Variants in ITGA4 observed in about 807,000 individuals in gnomAD.
ITGA4 encodes the protein integrin subunit alpha 4, also known as integrin alpha-4.
A neutral mutation model predicts 133.6 loss-of-function variants in ITGA4; 63 were observed. The ratio of observed to expected loss-of-function variants is 0.47; its 90% confidence interval spans 0.38 to 0.58. ITGA4 has a LOEUF of 0.58. ITGA4 is among the 20% of genes least tolerant of loss of function. The probability of loss-of-function intolerance (pLI) is 0.00; values close to 1 mark genes in which losing one functional copy is unlikely to be tolerated. For missense variants in ITGA4, 1,076 were observed against 1,252.7 expected (o/e 0.86, Z 2.13); for synonymous variants, 483 against 438.0 (o/e 1.10, Z -1.28).
intron 16 of ITGA4, among the ~76,000 whole-genome samples, chr2:181,511,066 C>A (rs1012235110): frequency 2.6e-5 from 4 of 152,018 alleles, no homozygotes; most frequent in Non-Finnish European, 5.9e-5. Context: ...ATCTGTCTCT[C>A]TCTACCTGTT....
At chr2:181,471,220 A>T (rs1685542730) in intron 2 of ITGA4, among the ~76,000 whole-genome samples, 1 of 152,174 alleles carries the variant, frequency 6.6e-6, no homozygotes, top group Admixed American at 6.5e-5. Context: ...TAAGCAGAAG[A>T]TGTTTAGTCA....
At position 181,503,565 on chromosome 2, in the gene ITGA4, CTTTTTTTTTTT is replaced by C. The variant is rs147081320; in HGVS notation, c.1695+4801_1695+4811del. 3.9e-5 allele frequency among the ~76,000 whole-genome samples: 4 copies of C among 101,754 alleles called. No homozygotes were observed. In the South Asian group the frequency reaches 1.4e-3, roughly 36 times the overall value. The allele number at this position is 101,754 out of a possible 152,430, so 66.8% of individuals were successfully genotyped here. On this transcript the variant is annotated intron_variant, in intron 15 of 27. Transcript: ENST00000397033. ...AAATAAGAAAGAAGGAAGAAATTGT[CTTTTTTTTTTT>C]TTTTTTTTTTTTGCTTTAAAAAATC...
Position 181,523,277 on chromosome 2 carries a change from T to A in ITGA4, c.2074-160T>A. On this transcript the variant is annotated intron_variant, in intron 18 of 27. Transcript: ENST00000397033. This position sits in a 1 kb window ranked among gnomAD's most constrained non-coding sequence, Gnocchi z 4.2. ...ATACACACATGCACACATATTTATA[T>A]CATATGTCTATTTATCTCAAACATA... The A allele has an allele frequency of 3.6e-6, 2 of 549,086 alleles. No homozygotes were observed. Among genetic ancestry groups the A allele is most frequent in the Non-Finnish European group, 6.5e-6 (2 of 305,764 alleles). 34.0% of individuals were successfully genotyped at this position (549,086 alleles called of 1,614,324 possible). A position where few individuals can be genotyped will look rare whatever the true frequency, so the allele number is the denominator to read the frequency against.
rs1211304241 is a variant in ITGA4 at position 181,475,011 on chromosome 2, A to G, written c.371A>G (p.Asn124Ser). The change falls in exon 3 of 28, where the codon AAT becomes AGT. Residue 124 changes from asparagine to serine, a missense_variant. Asn to Ser is a conservative substitution (Grantham distance 46, BLOSUM62 1). Around this residue, in one of 4 missense-constraint regions of ITGA4, gnomAD observed 436 missense variants for 590.7 expected, o/e 0.74. Coordinates refer to ENST00000397033, the MANE Select transcript of ITGA4 (RefSeq NM_000885.6). Reference protein sequence around the residue: ...CGKTCLEERDNQWLGVTLSRQ... With the variant: ...CGKTCLEERDSQWLGVTLSRQ... ...AAGACTTGTTTGGAAGAGAGAGACA[A>G]TCAGTGGTTGGGGGTCACACTTTCC... The G allele has an allele frequency of 2.5e-6, 4 of 1,614,102 alleles. No homozygotes were observed. The highest frequency in any genetic ancestry group is 2.2e-5 in the East Asian group (1 of 44,870).
At chr2:181,527,519 C>G in intron 22 of ITGA4, 132 bp downstream of exon 22, 1 of 620,478 alleles carries the variant, frequency 1.6e-6, no homozygotes. Flanking sequence ...AATGGGGCAG[C>G]AGCAGTGGTA....
chr2:181,495,673 T>C lies in ITGA4; in HGVS notation c.1386-110T>C. 1 of 925,052 alleles carries C rather than the reference T, an allele frequency of 1.1e-6. No homozygotes were observed. Among genetic ancestry groups the C allele is most frequent in the Non-Finnish European group, 1.7e-6 (1 of 603,622 alleles). 57.3% of individuals were successfully genotyped at this position (925,052 alleles called of 1,614,324 possible). A position where few individuals can be genotyped will look rare whatever the true frequency, so the allele number is the denominator to read the frequency against. On this transcript the variant is annotated intron_variant, in intron 13 of 27. Transcript: ENST00000397033. The surrounding 1 kb of genome is among the most constrained non-coding windows in gnomAD (Gnocchi z 4.3). ...ATGTAATTAGTATGTACACACATAATAAGACTCATGAAATTACTTGGTGAA... is the reference window on the plus strand; with the variant it reads ...ATGTAATTAGTATGTACACACATAACAAGACTCATGAAATTACTTGGTGAA...
rs181235023 is a variant in ITGA4 at position 181,481,337 on chromosome 2, A to G, written c.755-261A>G. The stretch of plus-strand genomic sequence containing the variant: ...TGTTGTAATCCTAGAAACTGATTAT[A>G]CTGCACCAGATGTAAAGATGCTATT... On this transcript the variant is annotated intron_variant, in intron 6 of 27. Coordinates refer to ENST00000397033, the MANE Select transcript of ITGA4 (RefSeq NM_000885.6). Among the ~76,000 whole-genome samples the G allele has an allele frequency of 5.9e-5, 9 of 152,300 alleles. No individual in the cohort carries two copies. In the East Asian group the frequency reaches 1.7e-3, roughly 29 times the overall value.
chr2:181,493,453 G>A, intron 11 of ITGA4, 34 bp downstream of exon 11: 1 of 1,308,826 alleles, frequency 7.6e-7, no homozygotes, highest in South Asian at 1.3e-5. Flanking sequence ...AAGAAGCATT[G>A]GTTATAATGC....
chr2:181,528,719 T>C (rs915956963), intron 22 of ITGA4, among the ~76,000 whole-genome samples: 2 of 152,208 alleles, frequency 1.3e-5, no homozygotes, highest in Non-Finnish European at 2.9e-5. Context: ...CTATGTCACA[T>C]GCATTCATAA....
intron 17 of ITGA4, among the ~76,000 whole-genome samples, chr2:181,512,040 A>G (rs1050184055): frequency 6.6e-6 from 1 of 152,132 alleles, no homozygotes; most frequent in Non-Finnish European, 1.5e-5. Flanking sequence ...CAGAGTAAAA[A>G]GGAAATAGAT....
chr2:181,469,831 C>T (rs1235979601), intron 2 of ITGA4, among the ~76,000 whole-genome samples: 2 of 151,804 alleles, frequency 1.3e-5, no homozygotes, highest in Non-Finnish European at 2.9e-5. Context: ...AACCAAACAC[C>T]GCATGTTCTC....
At chr2:181,518,157 A>C (rs1277467677) in intron 17 of ITGA4, among the ~76,000 whole-genome samples, 1 of 152,044 alleles carries the variant, frequency 6.6e-6, no homozygotes, top group African/African-American at 2.4e-5. Context: ...AAGGTTTACA[A>C]CACAGGCACG....
intron 17 of ITGA4, among the ~76,000 whole-genome samples, chr2:181,521,355 A>T (rs1257410538): frequency 2.0e-5 from 3 of 152,104 alleles, no homozygotes; most frequent in Non-Finnish European, 2.9e-5. Context: ...GTGGCCTTTG[A>T]ATAAGTTCCT....
At chr2:181,534,670 AATTAT>A (rs1363514879) in intron 26 of ITGA4, 141 bp from the exon 27 acceptor site, 1 of 690,522 alleles carries the variant, frequency 1.4e-6, no homozygotes, top group African/African-American at 1.8e-5. Flanking sequence ...TGTTTCCTGC[AATTAT>A]ATTAGAACCA....
At chr2:181,501,031 A>G (rs933779015) in intron 15 of ITGA4, among the ~76,000 whole-genome samples, 1 of 152,182 alleles carries the variant, frequency 6.6e-6, no homozygotes, top group Non-Finnish European at 1.5e-5. Flanking sequence ...AGAAAGTGAC[A>G]TCTGAGCAAA....
At position 181,482,376 on chromosome 2, in the gene ITGA4, T is replaced by C. The variant is rs757526090; in HGVS notation, c.857T>C (p.Ile286Thr). Residue 286 changes from isoleucine to threonine, a missense_variant, in exon 8 of 28, where the codon ATT becomes ACT. This residue lies in a region of ITGA4 where 436 missense variants were observed against 590.7 expected (regional missense o/e 0.74). Coordinates refer to ENST00000397033, the MANE Select transcript of ITGA4 (RefSeq NM_000885.6). ...TAATTACAGGCATATATATTCAGCA[T>C]TGATGAAAAAGAACTAAATATCTTA... ...EQIGKAYIFS[I>T]DEKELNILHE... The C allele has an allele frequency of 9.3e-6, 15 of 1,612,208 alleles. No homozygotes were observed. Among genetic ancestry groups the C allele is most frequent in the Non-Finnish European group, 1.2e-5 (14 of 1,178,988 alleles).
At chr2:181,501,537 G>C (rs953738442) in intron 15 of ITGA4, among the ~76,000 whole-genome samples, 4 of 152,184 alleles carry the variant, frequency 2.6e-5, no homozygotes, top group African/African-American at 9.6e-5. Flanking sequence ...TCGACACATG[G>C]AGAAGAGGCT....
chr2:181,530,878 C>G (rs1439108123), intron 24 of ITGA4, among the ~76,000 whole-genome samples: 1 of 152,076 alleles, frequency 6.6e-6, no homozygotes, highest in Non-Finnish European at 1.5e-5. Context: ...CCTGTAATCC[C>G]AGCACTTTGG....
chr2:181,495,264 A>G lies in ITGA4; in HGVS notation c.1340-107A>G, dbSNP rs1686134532. On this transcript the variant is annotated intron_variant, in intron 12 of 27. Transcript: ENST00000397033. The surrounding 1 kb of genome is among the most constrained non-coding windows in gnomAD (Gnocchi z 4.3). ...ATATATTCTCTAATTTTCTATAAAT[A>G]GTGTTTTAGGTAGTCAAAGGTGATA... is the stretch of plus-strand genomic sequence containing the variant. 1 of 767,570 alleles carries G rather than the reference A, an allele frequency of 1.3e-6. No homozygotes were observed. The highest frequency in any genetic ancestry group is 2.3e-6 in the Non-Finnish European group (1 of 436,012). 47.5% of individuals were successfully genotyped at this position (767,570 alleles called of 1,614,324 possible).
Sources: allele counts gnomAD v4.1 joint callset (sites outside exome capture counted in the v4.1 genomes callset), GRCh38; gene constraint gnomAD v4.1.1; regional missense constraint gnomAD v4.1.1; non-coding constraint Gnocchi (gnomAD v3.1); transcripts MANE v1.5; gene names NCBI Gene and HGNC (gene_info 2026-07-23, HGNC 2026-07-21).